The following HS6ST3 variants were observed in gnomAD, a reference collection of about 807,000 sequenced individuals.
HS6ST3 encodes the protein heparan-sulfate 6-O-sulfotransferase 3.
In HS6ST3, 12 loss-of-function variants were observed where a neutral mutation model predicts 36.7. The observed-to-expected ratio is 0.33, with a 90% CI of 0.21 to 0.53. HS6ST3 has a LOEUF of 0.53. Among genes scored for constraint, HS6ST3 ranks in the 20% least tolerant of loss-of-function variants. The probability of loss-of-function intolerance (pLI) is 0.95; values close to 1 mark genes in which losing one functional copy is unlikely to be tolerated. For synonymous variants in HS6ST3, 240 were observed against 257.5 expected (o/e 0.93, Z 0.65); for missense variants, 584 against 640.9 (o/e 0.91, Z 0.96).
intron 1 of HS6ST3, among the ~76,000 whole-genome samples, chr13:96,674,744 G>A (rs554575541): frequency 1.3e-5 from 2 of 152,266 alleles, no homozygotes; most frequent in South Asian, 4.1e-4. Context: ...TGATTCTGCA[G>A]TGGTCCACTG....
intron 1 of HS6ST3, among the ~76,000 whole-genome samples, chr13:96,609,806 A>G (rs576963953): frequency 5.9e-4 from 90 of 152,340 alleles, no homozygotes; most frequent in Non-Finnish European, 9.6e-4. Flanking sequence ...ACATACTTCA[A>G]TTGAAAATAT....
At chr13:96,251,967 T>C (rs2054609982) in intron 1 of HS6ST3, among the ~76,000 whole-genome samples, 1 of 152,200 alleles carries the variant, frequency 6.6e-6, no homozygotes, top group Non-Finnish European at 1.5e-5. Flanking sequence ...TGGTTTTTAG[T>C]ATATAATCTA....
chr13:96,413,116 T>TA (rs1221417701), intron 1 of HS6ST3, among the ~76,000 whole-genome samples: 1 of 152,180 alleles, frequency 6.6e-6, no homozygotes, highest in African/African-American at 2.4e-5. Context: ...AGCACATTCT[T>TA]ACTTGAATTG....
At chr13:96,091,908 G>A (rs1566879932) in intron 1 of HS6ST3, among the ~76,000 whole-genome samples, 1 of 152,156 alleles carries the variant, frequency 6.6e-6, no homozygotes, top group Admixed American at 6.5e-5. Context: ...AGCGGATCGC[G>A]GTCTGGGTTA....
chr13:96,654,174 T>G (rs1465211952), intron 1 of HS6ST3, among the ~76,000 whole-genome samples: 1 of 152,204 alleles, frequency 6.6e-6, no homozygotes, highest in Admixed American at 6.6e-5. Flanking sequence ...TTCACTCTGA[T>G]GATAGTTTCT....
intron 1 of HS6ST3, among the ~76,000 whole-genome samples, chr13:96,176,990 C>A (rs990463556): frequency 2.0e-5 from 3 of 152,184 alleles, no homozygotes; most frequent in African/African-American, 7.2e-5. Flanking sequence ...GAAAAGAAGA[C>A]ATACACGCGG....
intron 1 of HS6ST3, among the ~76,000 whole-genome samples, chr13:96,119,583 A>G (rs934632411): frequency 3.3e-5 from 5 of 152,156 alleles, no homozygotes; most frequent in African/African-American, 1.2e-4. Context: ...AAAATGCCTG[A>G]TTGCTCAGTG....
At chr13:96,674,532 G>C (rs1298543578) in intron 1 of HS6ST3, among the ~76,000 whole-genome samples, 2 of 152,078 alleles carry the variant, frequency 1.3e-5, no homozygotes, top group African/African-American at 4.8e-5. Context: ...TCTGGGAACA[G>C]GGGGAAGTTA....
chr13:96,231,913 C>T (rs1278479969), intron 1 of HS6ST3, among the ~76,000 whole-genome samples: 1 of 152,052 alleles, frequency 6.6e-6, no homozygotes, highest in Non-Finnish European at 1.5e-5. Context: ...GCTATTGTTC[C>T]CTATGATGTT....
At chr13:96,405,374 A>G (rs570162240) in intron 1 of HS6ST3, among the ~76,000 whole-genome samples, 4 of 152,326 alleles carry the variant, frequency 2.6e-5, no homozygotes, top group East Asian at 3.9e-4. Flanking sequence ...CAATATGAAT[A>G]TACTGCTACA....
At chr13:96,736,950 A>G (rs919288737) in intron 1 of HS6ST3, among the ~76,000 whole-genome samples, 7 of 152,228 alleles carry the variant, frequency 4.6e-5, no homozygotes, top group Non-Finnish European at 1.0e-4. Flanking sequence ...ATAGATCTGA[A>G]GTCAGGCTCG....
At chr13:96,173,739 A>G (rs2054199614) in intron 1 of HS6ST3, among the ~76,000 whole-genome samples, 1 of 151,380 alleles carries the variant, frequency 6.6e-6, no homozygotes, top group East Asian at 1.9e-4. Context: ...AGAAAGAGAG[A>G]TCATTTTCAT....
intron 1 of HS6ST3, among the ~76,000 whole-genome samples, chr13:96,586,066 C>G (rs114880560): frequency 0.012 from 1,899 of 152,160 alleles, 43 homozygotes; most frequent in African/African-American, 0.044. Flanking sequence ...ATCCTTGCTA[C>G]TACTTTTGTC....
chr13:96,635,048 T>C (rs886292863), intron 1 of HS6ST3, among the ~76,000 whole-genome samples: 1 of 152,186 alleles, frequency 6.6e-6, no homozygotes, highest in Admixed American at 6.5e-5. Flanking sequence ...ATCACCTTAC[T>C]CTCAGTCCTA....
intron 1 of HS6ST3, among the ~76,000 whole-genome samples, chr13:96,807,300 A>G (rs1878217760): frequency 6.6e-6 from 1 of 152,158 alleles, no homozygotes; most frequent in Non-Finnish European, 1.5e-5. Flanking sequence ...CTGTCCCCTA[A>G]AAATTCATAT....
intron 1 of HS6ST3, among the ~76,000 whole-genome samples, chr13:96,679,087 G>A (rs1484415531): frequency 2.0e-5 from 3 of 149,076 alleles, no homozygotes; most frequent in Admixed American, 6.8e-5. Flanking sequence ...TCGTGCCTGG[G>A]CTCTGTTCAC....
At chr13:96,433,962 T>C (rs1249086131) in intron 1 of HS6ST3, among the ~76,000 whole-genome samples, 2 of 149,314 alleles carry the variant, frequency 1.3e-5, no homozygotes, top group African/African-American at 5.0e-5. Context: ...AAAACTTCTT[T>C]TCTTTATAAA....
chr13:96,124,393 C>G (rs932191897), intron 1 of HS6ST3, among the ~76,000 whole-genome samples: 2 of 152,078 alleles, frequency 1.3e-5, no homozygotes, highest in African/African-American at 4.8e-5. Context: ...TGGATGGGCC[C>G]CACCAGTCTG....
chr13:96,787,678 G>T (rs921225077), intron 1 of HS6ST3, among the ~76,000 whole-genome samples: 2 of 151,896 alleles, frequency 1.3e-5, no homozygotes, highest in Non-Finnish European at 2.9e-5. Context: ...TGAATGATAT[G>T]TGATTTGCAA....
Sources: allele counts gnomAD v4.1 joint callset (sites outside exome capture counted in the v4.1 genomes callset), GRCh38; gene constraint gnomAD v4.1.1; transcripts MANE v1.5; gene names NCBI Gene and HGNC (gene_info 2026-07-23, HGNC 2026-07-21).